Variants in FLNB observed in about 807,000 individuals in gnomAD.
The protein encoded by FLNB is filamin B.
Under a neutral mutation model 250.6 loss-of-function variants are expected in FLNB, and 111 were observed. The ratio of observed to expected loss-of-function variants is 0.44; its 90% CI spans 0.38 to 0.52. The LOEUF (loss-of-function observed/expected upper bound fraction) is 0.52, where lower values mean the gene tolerates loss of function less well. FLNB is among the 20% of genes least tolerant of loss of function. FLNB has a pLI of 0.00. For synonymous variants in FLNB, 1,302 were observed against 1,372.1 expected (o/e 0.95, Z 1.13); for missense variants, 2,869 against 3,447.8 (o/e 0.83, Z 4.20).
intron 25 of FLNB, chr3:58,132,097 C>A: frequency 1.1e-6 from 1 of 901,084 alleles, no homozygotes; most frequent in Non-Finnish European, 1.8e-6. Flanking sequence ...TTGCTTACAC[C>A]TGCCTCATCT....
chr3:58,171,251 A>G lies in FLNB; in HGVS notation c.*489A>G, dbSNP rs560002240. 5 of 182,704 alleles carry G rather than the reference A, an allele frequency of 2.7e-5. No homozygotes were observed. In the East Asian group the frequency reaches 7.4e-4, roughly 27 times the overall value. 11.3% of individuals were successfully genotyped at this position (182,704 alleles called of 1,614,324 possible). On this transcript the variant is annotated 3_prime_UTR_variant, in exon 46 of 46. Transcript: ENST00000295956. The surrounding 1 kb of genome is among the most constrained non-coding windows in gnomAD (Gnocchi z 5.5). ...AGTGTCCGTGTTAATGTATTTGGCT[A>G]TTAGATCACTAGCACTGCTTTACCG...
At chr3:58,026,912 G>C (rs2106739352) in intron 1 of FLNB, among the ~76,000 whole-genome samples, 1 of 152,270 alleles carries the variant, frequency 6.6e-6, no homozygotes, top group African/African-American at 2.4e-5. Context: ...TTAATGATGG[G>C]AAGAAATTCG....
At chr3:58,127,773 T>C (rs1311032064) in intron 24 of FLNB, among the ~76,000 whole-genome samples, 1 of 152,236 alleles carries the variant, frequency 6.6e-6, no homozygotes, top group Non-Finnish European at 1.5e-5. Flanking sequence ...TGAAAGACCC[T>C]CCTCCATTTG....
Position 58,052,619 on chromosome 3 carries a change from G to A in FLNB, c.293-24427G>A, listed in dbSNP as rs569422389. 2.0e-5 allele frequency among the ~76,000 whole-genome samples: 3 copies of A among 152,286 alleles called. No homozygotes were observed. In the South Asian group the frequency reaches 6.2e-4, roughly 32 times the overall value. ...AGCTTCCAGACTTTAGTGTGCCGTG[G>A]TCATGACATCGGTGTGGATGGCAGG... On this transcript the variant is annotated intron_variant, in intron 1 of 45. Transcript: ENST00000295956.
intron 1 of FLNB, among the ~76,000 whole-genome samples, chr3:58,019,669 T>C (rs1255608716): frequency 7.1e-6 from 1 of 141,050 alleles, no homozygotes; most frequent in Non-Finnish European, 1.6e-5. Flanking sequence ...GTTTTCTGCT[T>C]CTGTGGATTT....
chr3:58,044,065 C>CGGTGTAGCCATAGGCAGAGACCTCA (rs2106812188), intron 1 of FLNB, among the ~76,000 whole-genome samples: 1 of 152,304 alleles, frequency 6.6e-6, no homozygotes, highest in East Asian at 1.9e-4. Context: ...ACATTTCACT[C>CGGTGTAGCCATAGGCAGAGACCTCA]GGTGTAGCCA....
intron 1 of FLNB, among the ~76,000 whole-genome samples, chr3:58,074,481 A>G (rs553997966): frequency 6.6e-6 from 1 of 152,360 alleles, no homozygotes; most frequent in East Asian, 1.9e-4. Flanking sequence ...TGAAGAAGAG[A>G]AACTAAAAAA....
chr3:58,148,776 C>G lies in FLNB; in HGVS notation c.6015C>G (p.Ala2005=). 1 of 1,614,118 alleles carries G rather than the reference C, an allele frequency of 6.2e-7. No individual in the cohort carries two copies. The highest frequency in any genetic ancestry group is 8.5e-7 in the Non-Finnish European group (1 of 1,180,026). ...VQSEIGDARR[A]KVYGRGLSEG... is the part of the protein sequence containing the mutation. ...CGGAGATTGGTGACGCCCGCCGAGC[C>G]AAAGTCTATGGCCGCGGCCTGTCAG... The change falls in exon 36 of 46, where the codon GCC becomes GCG. Residue 2005 remains alanine, a synonymous_variant. Transcript: ENST00000295956.
At chr3:58,069,293 G>A (rs2097190758) in intron 1 of FLNB, among the ~76,000 whole-genome samples, 1 of 141,912 alleles carries the variant, frequency 7.0e-6, no homozygotes, top group Non-Finnish European at 1.5e-5. Context: ...AGGCTGGAGT[G>A]CAATGGAGTG....
intron 27 of FLNB, 126 bp downstream of exon 27, chr3:58,134,898 C>A: frequency 1.1e-6 from 1 of 899,088 alleles, no homozygotes; most frequent in Non-Finnish European, 1.8e-6. Flanking sequence ...GATTTTCCCA[C>A]CAAAGAGTCA....
In FLNB at chr3:58,154,805, T is replaced by G; in HGVS notation, c.6649T>G (p.Trp2217Gly). The G allele has an allele frequency of 6.2e-7, 1 of 1,614,090 alleles. No homozygotes were observed. The highest frequency in any genetic ancestry group is 8.5e-7 in the Non-Finnish European group (1 of 1,180,010). ...EAGVPAEFSI[W>G]TREAGAGGLS... ...TTTGCTCTCAGCTGAGTTCAGCATT[T>G]GGACCCGGGAAGCAGGCGCTGGAGG... Residue 2217 changes from tryptophan to glycine, a missense_variant, in exon 40 of 46, where the codon TGG becomes GGG. Physicochemically the swap from Trp to Gly is radical, Grantham distance 184. This residue lies in a region of FLNB where 1,084 missense variants were observed against 1,315.5 expected (regional missense o/e 0.82). Coordinates refer to ENST00000295956, the MANE Select transcript of FLNB (RefSeq NM_001457.4).
chr3:58,161,780 GC>G (rs1276842641), intron 42 of FLNB, among the ~76,000 whole-genome samples: 1 of 152,168 alleles, frequency 6.6e-6, no homozygotes, highest in African/African-American at 2.4e-5. Flanking sequence ...TGGCAGGATG[GC>G]CTTCCTCTTG....
chr3:58,119,078 G>C, intron 19 of FLNB, 89 bp downstream of exon 19: 1 of 972,404 alleles, frequency 1.0e-6, no homozygotes, highest in Non-Finnish European at 1.7e-6. Context: ...GAAATTTGCA[G>C]AGAAGCAAAT....
intron 1 of FLNB, among the ~76,000 whole-genome samples, chr3:58,019,323 C>T (rs1333062851): frequency 2.0e-5 from 3 of 152,190 alleles, no homozygotes; most frequent in Non-Finnish European, 1.5e-5. Flanking sequence ...TCTGTCCCCT[C>T]TTTTGCTTTT....
intron 21 of FLNB, 60 bp downstream of exon 21, chr3:58,123,750 C>T (rs2097292958): frequency 6.9e-7 from 1 of 1,449,092 alleles, no homozygotes. Context: ...TTAAGGGCTA[C>T]CTGAAACTTG....
rs183755151 is a variant in FLNB, at chr3:58,053,072, G to A, written c.293-23974G>A. Among the ~76,000 whole-genome samples, 19 of 152,234 alleles carry A rather than the reference G, an allele frequency of 1.2e-4. No individual in the cohort carries two copies. In the East Asian group the frequency reaches 3.3e-3, roughly 26 times the overall value. On this transcript the variant is annotated intron_variant, in intron 1 of 45. Transcript: ENST00000295956. ...ATGAGGAAAATGGAGTTTTTGAGAG[G>A]GTGAGATCATTCAGTGGCAGAATGG...
At chr3:58,057,432 T>C (rs1308696021) in intron 1 of FLNB, among the ~76,000 whole-genome samples, 1 of 152,384 alleles carries the variant, frequency 6.6e-6, no homozygotes, top group South Asian at 2.1e-4. Flanking sequence ...AGAAGTGTTT[T>C]GTTGGTTCCT....
At chr3:58,119,993 C>T (rs933858430) in intron 19 of FLNB, among the ~76,000 whole-genome samples, 1 of 152,220 alleles carries the variant, frequency 6.6e-6, no homozygotes, top group Non-Finnish European at 1.5e-5. Flanking sequence ...ACTGGATGTA[C>T]CTCAGGGCTC....
intron 43 of FLNB, among the ~76,000 whole-genome samples, 187 bp from the exon 44 acceptor site, chr3:58,168,253 G>A (rs2097374284): frequency 6.6e-6 from 1 of 152,200 alleles, no homozygotes; most frequent in Non-Finnish European, 1.5e-5. Flanking sequence ...CCTAGAAAAG[G>A]GAGCCCCCAC....
Sources: allele counts gnomAD v4.1 joint callset (sites outside exome capture counted in the v4.1 genomes callset), GRCh38; gene constraint gnomAD v4.1.1; regional missense constraint gnomAD v4.1.1; non-coding constraint Gnocchi (gnomAD v3.1); transcripts MANE v1.5; gene names NCBI Gene and HGNC (gene_info 2026-07-23, HGNC 2026-07-21).